GRM8: variants seen among roughly 807,000 people sequenced by gnomAD.
GRM8 encodes the protein metabotropic glutamate receptor 8.
Under a neutral mutation model 87.2 loss-of-function variants are expected in GRM8, and 47 were observed. The observed-to-expected ratio is 0.54, with a 90% confidence interval of 0.43 to 0.69. The LOEUF (loss-of-function observed/expected upper bound fraction) is 0.69. GRM8 is among the 30% of genes least tolerant of loss of function. The pLI, the probability that GRM8 is intolerant of heterozygous loss-of-function variation, is 0.00. For missense variants in GRM8, 1,019 were observed against 1,139.2 expected (o/e 0.89, Z 1.52); for synonymous variants, 396 against 404.5 (o/e 0.98, Z 0.25).
chr7:126,510,363 A>G (rs1387870036), intron 9 of GRM8, among the ~76,000 whole-genome samples: 1 of 151,784 alleles, frequency 6.6e-6, no homozygotes, highest in East Asian at 1.9e-4. Context: ...AGATGATGTG[A>G]TGTGATCGTA....
At chr7:127,136,214 G>A (rs932896329) in intron 2 of GRM8, among the ~76,000 whole-genome samples, 1 of 151,584 alleles carries the variant, frequency 6.6e-6, no homozygotes. Flanking sequence ...TAGAATTGGG[G>A]TTATCAAATT....
intron 7 of GRM8, among the ~76,000 whole-genome samples, chr7:126,616,065 A>C (rs1392827873): frequency 1.3e-5 from 2 of 152,350 alleles, no homozygotes; most frequent in East Asian, 1.9e-4. Flanking sequence ...AAATCAACAG[A>C]ATATACATTC....
rs548746629 is a variant in GRM8, at chr7:126,850,262, C to A, written c.1156+52280G>T. ...TTGGCTTCCAGAACAGCATACATTC[C>A]TGGTTTACCTTCTATGCCCCTGGCT... On this transcript the variant is annotated intron_variant, in intron 6 of 10. Coordinates refer to ENST00000339582, the MANE Select transcript of GRM8 (RefSeq NM_000845.3). Among the ~76,000 whole-genome samples, 5 of 152,312 alleles carry A rather than the reference C, an allele frequency of 3.3e-5. No individual in the cohort carries two copies. In the South Asian group the frequency reaches 6.2e-4, roughly 19 times the overall value.
chr7:126,580,420 T>C (rs1795502117), intron 8 of GRM8, among the ~76,000 whole-genome samples: 2 of 152,116 alleles, frequency 1.3e-5, no homozygotes, highest in South Asian at 4.1e-4. Context: ...TAGATCCATC[T>C]AGCTTAAATG....
At chr7:126,586,191 C>A (rs745864302) in intron 8 of GRM8, among the ~76,000 whole-genome samples, 20 of 152,052 alleles carry the variant, frequency 1.3e-4, no homozygotes, top group Non-Finnish European at 2.8e-4. Flanking sequence ...TGGATACAAA[C>A]AAATGGAAGA....
At chr7:127,213,222 A>T (rs576441151) in intron 2 of GRM8, among the ~76,000 whole-genome samples, 74 of 152,200 alleles carry the variant, frequency 4.9e-4, no homozygotes, top group African/African-American at 1.5e-3. Flanking sequence ...TCCCTTATAC[A>T]CCTTAGATGT....
At chr7:126,750,692 C>T (rs571220650) in intron 7 of GRM8, among the ~76,000 whole-genome samples, 1 of 152,176 alleles carries the variant, frequency 6.6e-6, no homozygotes, top group East Asian at 1.9e-4. Flanking sequence ...CTCCTCAGTT[C>T]CTGTTTTCAC....
chr7:126,707,797 G>GA lies in GRM8; in HGVS notation c.1357+62067dup, dbSNP rs369279419. 7.5e-4 allele frequency among the ~76,000 whole-genome samples: 114 copies of GA among 151,946 alleles called. 1 individual carries two copies. Among genetic ancestry groups the GA allele is most frequent in the African/African-American group, 2.5e-3 (102 of 41,476 alleles). ...AGACTTGAAACCATTAAAAGCCTAG[G>GA]AAAAAAACATGGAGAAAATCTCCTT... On this transcript the variant is annotated intron_variant, in intron 7 of 10. Transcript: ENST00000339582.
intron 3 of GRM8, among the ~76,000 whole-genome samples, chr7:127,103,332 G>A (rs548408000): frequency 9.9e-5 from 15 of 152,264 alleles, no homozygotes; most frequent in Non-Finnish European, 1.5e-4. Flanking sequence ...TGGGTCATGG[G>A]GGCAGATCTC....
intron 6 of GRM8, among the ~76,000 whole-genome samples, chr7:126,880,621 A>T (rs1204245670): frequency 6.6e-6 from 1 of 152,246 alleles, no homozygotes; most frequent in African/African-American, 2.4e-5. Flanking sequence ...GCTTACACCA[A>T]TTTAAAGCAA....
chr7:127,033,901 CT>C (rs1281279856), intron 3 of GRM8, among the ~76,000 whole-genome samples: 4 of 152,226 alleles, frequency 2.6e-5, no homozygotes, highest in Admixed American at 2.6e-4. Flanking sequence ...TAAGCACTAA[CT>C]GTGCATCACA....
At chr7:127,104,436 A>G (rs1825628253) in intron 3 of GRM8, among the ~76,000 whole-genome samples, 1 of 152,176 alleles carries the variant, frequency 6.6e-6, no homozygotes, top group African/African-American at 2.4e-5. Context: ...GTCATGTAAA[A>G]GGTTTAATTT....
intron 3 of GRM8, among the ~76,000 whole-genome samples, chr7:127,002,848 T>A (rs1347789162): frequency 6.6e-6 from 1 of 151,740 alleles, no homozygotes; most frequent in Admixed American, 6.6e-5. Context: ...TTAATAAAGT[T>A]CACTTTCTCT....
chr7:126,689,871 T>C (rs1287425844), intron 7 of GRM8, among the ~76,000 whole-genome samples: 2 of 152,208 alleles, frequency 1.3e-5, no homozygotes, highest in African/African-American at 4.8e-5. Flanking sequence ...GGCTATATGT[T>C]TCTATTACAG....
In GRM8 at chr7:126,684,544, C is replaced by G. The variant is rs150393798; in HGVS notation, c.1358-75046G>C. Among the ~76,000 whole-genome samples the G allele has an allele frequency of 2.4e-3, 367 of 152,266 alleles. 2 individuals carry two copies. Among genetic ancestry groups the G allele is most frequent in the Admixed American group, 5.1e-3 (78 of 15,292 alleles). ...TAGACCTGTAAGACTTCAATGGCAC[C>G]AGGGCTCCATCGGAGGCAGTAAGTG... On this transcript the variant is annotated intron_variant, in intron 7 of 10. Transcript: ENST00000339582.
chr7:126,730,832 A>G (rs1563132798), intron 7 of GRM8, among the ~76,000 whole-genome samples: 1 of 152,162 alleles, frequency 6.6e-6, no homozygotes, highest in Non-Finnish European at 1.5e-5. Context: ...GATACACAGC[A>G]TAGAAGGAAT....
At chr7:126,612,610 A>T (rs1799030802) in intron 7 of GRM8, among the ~76,000 whole-genome samples, 1 of 152,204 alleles carries the variant, frequency 6.6e-6, no homozygotes, top group African/African-American at 2.4e-5. Context: ...TATTGCACAG[A>T]TACTTTTTTA....
intron 9 of GRM8, among the ~76,000 whole-genome samples, chr7:126,518,291 T>C (rs1812466518): frequency 6.6e-6 from 1 of 152,092 alleles, no homozygotes; most frequent in Non-Finnish European, 1.5e-5. Flanking sequence ...GGCTTATGTA[T>C]TTCCATAAGA....
intron 6 of GRM8, chr7:126,869,498 T>G (rs1002980678): frequency 6.6e-6 from 1 of 152,210 alleles, no homozygotes; most frequent in Non-Finnish European, 1.5e-5. Flanking sequence ...AATATACTTT[T>G]GTAATAATCA....
Sources: allele counts gnomAD v4.1 joint callset (sites outside exome capture counted in the v4.1 genomes callset), GRCh38; gene constraint gnomAD v4.1.1; transcripts MANE v1.5; gene names NCBI Gene and HGNC (gene_info 2026-07-23, HGNC 2026-07-21).